The following ACACB variants were observed in gnomAD, a reference collection of about 807,000 sequenced individuals.
ACACB encodes the protein acetyl-CoA carboxylase 2.
ACACB carries 209 observed loss-of-function variants against 278.8 expected under a neutral mutation model. That is an observed-to-expected ratio of 0.75 (90% confidence interval 0.67 to 0.84). The LOEUF is 0.84. Ranked by LOEUF, ACACB falls within the 40% of genes least tolerant of loss-of-function variation. The pLI is 0.00. For missense variants in ACACB, 2,850 were observed against 3,269.0 expected, an observed-to-expected ratio of 0.87 and a Z score of 3.13; for synonymous variants, 1,174 against 1,285.6, an observed-to-expected ratio of 0.91 and a Z score of 1.86.
intron 9 of ACACB, among the ~76,000 whole-genome samples, chr12:109,177,348 CTT>C (rs1388969904): frequency 1.3e-5 from 2 of 152,134 alleles, no homozygotes; most frequent in African/African-American, 4.8e-5. Flanking sequence ...ATAAATAACA[CTT>C]AGCTCTTTTT....
rs762609373 is a variant in ACACB at position 109,242,594 on chromosome 12, C to T, written c.5178+2C>T. On this transcript the variant is annotated splice_donor_variant, in intron 37 of 52. Coordinates refer to ENST00000338432, the MANE Select transcript of ACACB (RefSeq NM_001093.4). LOFTEE classifies it low-confidence loss of function (GC_TO_GT_DONOR). ...GACTTCCCGGAAATGTTCAGGCAGG[C>T]AAGTCCGGCGGCTCAGACGCGGTAC... is the stretch of plus-strand genomic sequence containing the variant. The T allele has an allele frequency of 2.5e-6, 4 of 1,613,954 alleles. No individual in the cohort carries two copies. The highest frequency in any genetic ancestry group is 2.5e-6 in the Non-Finnish European group (3 of 1,179,862).
At position 109,215,566 on chromosome 12, in the gene ACACB, A is replaced by G. The variant is rs141372777; in HGVS notation, c.3351-1052A>G. Among the ~76,000 whole-genome samples the G allele has an allele frequency of 3.5e-3, 533 of 152,282 alleles. 5 individuals carry two copies. Among genetic ancestry groups the G allele is most frequent in the African/African-American group, 0.012 (513 of 41,564 alleles). On this transcript the variant is annotated intron_variant, in intron 22 of 52. Transcript: ENST00000338432. ...ATCATGAGGTCAGGAGATCGAGACC[A>G]TCCTGGCTAACACGGTGAAACCCCG...
At chr12:109,149,113 C>T (rs879741871) in intron 2 of ACACB, among the ~76,000 whole-genome samples, 1 of 152,120 alleles carries the variant, frequency 6.6e-6, no homozygotes, top group Non-Finnish European at 1.5e-5. Context: ...CCCAGACCCT[C>T]GTTAGATGTG....
chr12:109,129,870 G>A (rs923703194), intron 1 of ACACB, among the ~76,000 whole-genome samples: 2 of 152,086 alleles, frequency 1.3e-5, no homozygotes, highest in African/African-American at 4.8e-5. Flanking sequence ...GTCCATGAGT[G>A]GAGGAAGATG....
chr12:109,238,835 G>A (rs897202034), intron 34 of ACACB, among the ~76,000 whole-genome samples: 2 of 151,890 alleles, frequency 1.3e-5, no homozygotes, highest in Non-Finnish European at 2.9e-5. Flanking sequence ...AAAGTGCTGG[G>A]ATTACAGGCG....
chr12:109,262,505 C>A, intron 49 of ACACB, 36 bp downstream of exon 49: 2 of 1,441,108 alleles, frequency 1.4e-6, no homozygotes, highest in South Asian at 1.2e-5. Flanking sequence ...TCTCAGAGGT[C>A]AAGAGAGGCC....
intron 28 of ACACB, 74 bp downstream of exon 28, chr12:109,227,563 G>A (rs1227814503): frequency 2.1e-6 from 3 of 1,450,894 alleles, no homozygotes; most frequent in Non-Finnish European, 2.9e-6. Context: ...GTCTCTGGAA[G>A]GACCTGGCAA....
At chr12:109,257,943 C>T (rs2047272067) in intron 45 of ACACB, among the ~76,000 whole-genome samples, 1 of 152,202 alleles carries the variant, frequency 6.6e-6, no homozygotes. Flanking sequence ...TGCCACGTTC[C>T]ACGTGCAGCC....
At chr12:109,257,235 T>C (rs997093798) in intron 45 of ACACB, among the ~76,000 whole-genome samples, 10 of 151,778 alleles carry the variant, frequency 6.6e-5, no homozygotes, top group African/African-American at 2.4e-4. Context: ...GATTGCGCCA[T>C]TGCACTCCAG....
rs564308381 is a variant in ACACB, at chr12:109,253,839, T to C, written c.6046-375T>C. Among the ~76,000 whole-genome samples the C allele has an allele frequency of 3.3e-5, 5 of 152,322 alleles. No individual in the cohort carries two copies. The East Asian group carries it at 9.6e-4, about 29-fold the overall frequency. ...CAGTTTGTATTCCCAAGTGCCCCTT[T>C]TCCCCATCTGCATGCCATCTGTTAC... On this transcript the variant is annotated intron_variant, in intron 43 of 52. Transcript: ENST00000338432.
At position 109,235,645 on chromosome 12, in the gene ACACB, G is replaced by A. The variant is rs748432369; in HGVS notation, c.4444G>A (p.Glu1482Lys). The stretch of plus-strand genomic sequence containing the variant: ...GTTTTTCACATTCAGAGCAAGAGAT[G>A]AGGTATGGCCAAAAGTAATGATGTT... Reference protein sequence around the residue: ...PKFFTFRARDEFAEDRIYRHL... With the variant: ...PKFFTFRARDKFAEDRIYRHL... Residue 1482 changes from glutamate (E) to lysine (K), a missense_variant and splice_region_variant, in exon 33 of 53, where the codon GAG becomes AAG. Physicochemically the swap from Glu to Lys is moderately conservative, Grantham distance 56. Transcript: ENST00000338432. 40 of 1,611,092 alleles carry A rather than the reference G, an allele frequency of 2.5e-5. No individual in the cohort carries two copies. Among genetic ancestry groups the A allele is most frequent in the Non-Finnish European group, 2.7e-5 (32 of 1,177,720 alleles).
At chr12:109,247,976 G>T (rs370842638) in intron 40 of ACACB, among the ~76,000 whole-genome samples, 2 of 152,222 alleles carry the variant, frequency 1.3e-5, no homozygotes, top group Non-Finnish European at 1.5e-5. Flanking sequence ...CCTAGGAGCC[G>T]CAGGCTCACA....
Position 109,164,162 on chromosome 12 carries a change from T to C in ACACB, c.654-2699T>C, listed in dbSNP as rs73415139. ...AAGGATCAAGGATCAGAATTACTCT[T>C]GTTCTAGCAGCCTTGGAAGCCACAA... is the stretch of plus-strand genomic sequence containing the variant. On this transcript the variant is annotated intron_variant, in intron 2 of 52. Transcript: ENST00000338432. Among the ~76,000 whole-genome samples the C allele has an allele frequency of 7.9e-3, 1,200 of 152,336 alleles. 20 individuals carry two copies. The highest frequency in any genetic ancestry group is 0.028 in the African/African-American group (1,144 of 41,564).
Position 109,266,315 on chromosome 12 carries a change from C to G in ACACB, c.7330C>G (p.Gln2444Glu). The G allele has an allele frequency of 6.2e-7, 1 of 1,613,450 alleles. No individual in the cohort carries two copies. Reference sequence around the variant, plus strand: ...GCACATCAGCCCAGCTGAGCGGGCGCAGGTCGTTCACCTGCTGTCTACCAT... The same window carrying G: ...GCACATCAGCCCAGCTGAGCGGGCGGAGGTCGTTCACCTGCTGTCTACCAT... ...SQHISPAERAQVVHLLSTMDS... is the reference protein window; with the variant it reads ...SQHISPAERAEVVHLLSTMDS... The change falls in exon 53 of 53, where the codon CAG (glutamine) becomes GAG (glutamate). Residue 2444 changes from glutamine (Q) to glutamate (E), a missense_variant. This residue lies in a region of ACACB where 579 missense variants were observed against 684.6 expected (regional missense o/e 0.85). Transcript: ENST00000338432.
At chr12:109,126,766 A>G (rs2042690730) in intron 1 of ACACB, among the ~76,000 whole-genome samples, 1 of 152,226 alleles carries the variant, frequency 6.6e-6, no homozygotes, top group Non-Finnish European at 1.5e-5. Context: ...GAGCACCTAC[A>G]GTGTACCAGG....
At chr12:109,203,669 G>C (rs1403973830) in intron 19 of ACACB, among the ~76,000 whole-genome samples, 1 of 152,230 alleles carries the variant, frequency 6.6e-6, no homozygotes, top group Non-Finnish European at 1.5e-5. Flanking sequence ...GCGTCCCCCT[G>C]TCCTCAGGAC....
intron 44 of ACACB, among the ~76,000 whole-genome samples, chr12:109,255,095 TACACACACAC>T: frequency 6.7e-6 from 1 of 149,238 alleles, no homozygotes; most frequent in South Asian, 2.1e-4. Context: ...CTTCTATACC[TACACACACAC>T]ACACACACAC....
chr12:109,205,795 G>A (rs1270792763), intron 19 of ACACB, among the ~76,000 whole-genome samples: 1 of 151,986 alleles, frequency 6.6e-6, no homozygotes, highest in Non-Finnish European at 1.5e-5. Context: ...CAGGGCTAGG[G>A]GTGGGGATGG....
At chr12:109,229,228 C>T (rs2046401953) in intron 28 of ACACB, among the ~76,000 whole-genome samples, 1 of 152,164 alleles carries the variant, frequency 6.6e-6, no homozygotes. Context: ...CAGGCGTGAG[C>T]CACCGTGCCC....
Sources: allele counts gnomAD v4.1 joint callset (sites outside exome capture counted in the v4.1 genomes callset), GRCh38; gene constraint gnomAD v4.1.1; regional missense constraint gnomAD v4.1.1; transcripts MANE v1.5; gene names NCBI Gene and HGNC (gene_info 2026-07-23, HGNC 2026-07-21).